The following RPTOR variants were observed in gnomAD, a reference collection of about 807,000 sequenced individuals.
The protein encoded by RPTOR is regulatory-associated protein of mTOR.
Under a neutral mutation model 169.9 loss-of-function variants are expected in RPTOR, and 21 were observed. That is an observed-to-expected ratio of 0.12 (90% CI 0.09 to 0.18). The LOEUF (loss-of-function observed/expected upper bound fraction) is 0.18. RPTOR is among the 10% of genes least tolerant of loss of function. The pLI is 1.00. For synonymous variants in RPTOR, 732 were observed against 753.2 expected (o/e 0.97, Z 0.46); for missense variants, 1,133 against 1,855.9 (o/e 0.61, Z 7.16).
chr17:80,918,514 CACCCTCGCGGGGGTCATAGCCAT>C (rs1219228182), intron 21 of RPTOR, among the ~76,000 whole-genome samples: 6 of 72,688 alleles, frequency 8.3e-5, no homozygotes, highest in Admixed American at 4.5e-4. Context: ...TAGCCATGAG[CACCCTCGCGGGGGTCATAGCCAT>C]GAGCACCCTC....
rs1373512283 is a variant in RPTOR at position 80,730,471 on chromosome 17, G to GT, written c.508-88dup. The GT allele has an allele frequency of 4.2e-6, 6 of 1,434,718 alleles. No homozygotes were observed. In the African/African-American group the frequency reaches 7.0e-5, roughly 17 times the overall value. 88.9% of individuals were successfully genotyped at this position (1,434,718 alleles called of 1,614,324 possible). A position where few individuals can be genotyped will look rare whatever the true frequency, so the allele number is the denominator to read the frequency against. On this transcript the variant is annotated intron_variant, in intron 4 of 33. Coordinates refer to ENST00000306801, the MANE Select transcript of RPTOR (RefSeq NM_020761.3). The surrounding 1 kb of genome is among the most constrained non-coding windows in gnomAD (Gnocchi z 4.2). ...CGTCTCTCCAGCCACCAGGCTCAAT[G>GT]TGTGTGCCTTTTGTAACGGTGCAGT...
chr17:80,795,624 C>A (rs563335306), intron 7 of RPTOR, among the ~76,000 whole-genome samples: 36 of 152,098 alleles, frequency 2.4e-4, no homozygotes, highest in African/African-American at 8.7e-4. Context: ...TTTCAAAACA[C>A]ACCCTGATTA....
intron 6 of RPTOR, among the ~76,000 whole-genome samples, chr17:80,755,348 C>G (rs2066669763): frequency 6.6e-6 from 1 of 152,150 alleles, no homozygotes; most frequent in Non-Finnish European, 1.5e-5. Flanking sequence ...CACCTGTAAT[C>G]CTAGCACTTT....
At chr17:80,717,872 G>A (rs2143143532) in intron 4 of RPTOR, among the ~76,000 whole-genome samples, 1 of 152,270 alleles carries the variant, frequency 6.6e-6, no homozygotes, top group Admixed American at 6.5e-5. Flanking sequence ...CTGTGTTTCA[G>A]GCAATTAGGA....
intron 1 of RPTOR, among the ~76,000 whole-genome samples, chr17:80,588,019 T>TAA (rs1568321613): frequency 6.6e-6 from 1 of 152,162 alleles, no homozygotes; most frequent in African/African-American, 2.4e-5. Flanking sequence ...TGACATCATG[T>TAA]GGTGTTTGTC....
Position 80,648,472 on chromosome 17 carries a change from GT to G in RPTOR, c.348+4663del, listed in dbSNP as rs140044013. ...GCTTGACCTGTCCACCTCACAGGGA[GT>G]GTCATGTGGCCATGTGTGACAAACT... On this transcript the variant is annotated intron_variant, in intron 3 of 33. Coordinates refer to ENST00000306801, the MANE Select transcript of RPTOR (RefSeq NM_020761.3). Among the ~76,000 whole-genome samples, 1,221 of 152,116 alleles carry G rather than the reference GT, an allele frequency of 8.0e-3. 7 individuals carry two copies. Among genetic ancestry groups the G allele is most frequent in the Middle Eastern group, 0.014 (4 of 294 alleles).
rs561902540 is a variant in RPTOR at position 80,635,726 on chromosome 17, G to T, written c.266-8002G>T. ...AAAGAGGAGGACCAGGGTGGTTCTGGATGAGTGCGTGGAGGAGCTTCTGGT... is the reference window on the plus strand; with the variant it reads ...AAAGAGGAGGACCAGGGTGGTTCTGTATGAGTGCGTGGAGGAGCTTCTGGT... On this transcript the variant is annotated intron_variant, in intron 2 of 33. Coordinates refer to ENST00000306801, the MANE Select transcript of RPTOR (RefSeq NM_020761.3). Among the ~76,000 whole-genome samples, 36 of 152,300 alleles carry T rather than the reference G, an allele frequency of 2.4e-4. No homozygotes were observed. The South Asian group carries it at 6.4e-3, about 27-fold the overall frequency.
chr17:80,574,688 C>A (rs2064944319), intron 1 of RPTOR, among the ~76,000 whole-genome samples: 2 of 151,992 alleles, frequency 1.3e-5, no homozygotes, highest in African/African-American at 4.8e-5. Flanking sequence ...CAAGATCTTG[C>A]TTTGTCACCC....
Position 80,660,202 on chromosome 17 carries a change from T to C in RPTOR, c.348+16392T>C, listed in dbSNP as rs557425504. Among the ~76,000 whole-genome samples the C allele has an allele frequency of 2.8e-5, 4 of 145,060 alleles. No homozygotes were observed. The East Asian group carries it at 8.2e-4, about 30-fold the overall frequency. ...AGGAGAATTGCTTGAACCCAGGAGA[T>C]GGAGGTTGCAGTGAGCCGAGATCGC... On this transcript the variant is annotated intron_variant, in intron 3 of 33. Coordinates refer to ENST00000306801, the MANE Select transcript of RPTOR (RefSeq NM_020761.3).
At chr17:80,691,987 C>T (rs1370534688) in intron 3 of RPTOR, among the ~76,000 whole-genome samples, 1 of 152,258 alleles carries the variant, frequency 6.6e-6, no homozygotes, top group Admixed American at 6.5e-5. Flanking sequence ...CTGGCAGTTT[C>T]AGAAAGCAAC....
intron 21 of RPTOR, 76 bp from the exon 22 acceptor site, chr17:80,922,648 C>T: frequency 8.2e-7 from 1 of 1,222,882 alleles, no homozygotes. Flanking sequence ...GGCTCCACGC[C>T]AGCCTCTGCT....
At chr17:80,722,711 CAG>C (rs1170050714) in intron 4 of RPTOR, among the ~76,000 whole-genome samples, 1 of 151,424 alleles carries the variant, frequency 6.6e-6, no homozygotes, top group Non-Finnish European at 1.5e-5. Flanking sequence ...AGAGGCAGCA[CAG>C]AGAGTTCCTG....
chr17:80,928,242 G>C (rs1186572425), intron 24 of RPTOR, among the ~76,000 whole-genome samples: 1 of 151,532 alleles, frequency 6.6e-6, no homozygotes, highest in East Asian at 1.9e-4. Context: ...GTTTTCTCTT[G>C]TTTAAAAAAA....
At position 80,659,051 on chromosome 17, in the gene RPTOR, A is replaced by G. The variant is rs2065700835; in HGVS notation, c.348+15241A>G. Among the ~76,000 whole-genome samples the G allele has an allele frequency of 1.3e-5, 2 of 152,176 alleles. No homozygotes were observed. The highest frequency in any genetic ancestry group is 4.8e-5 in the African/African-American group (2 of 41,438). ...TTGAGGGCATGACTAGACAGAGGCC[A>G]GTATTTGTGCCGAGAGCCACAGGGC... On this transcript the variant is annotated intron_variant, in intron 3 of 33. Transcript: ENST00000306801. This position sits in a 1 kb window ranked among gnomAD's most constrained non-coding sequence, Gnocchi z 4.3.
intron 26 of RPTOR, among the ~76,000 whole-genome samples, chr17:80,946,077 G>C (rs370548357): frequency 6.6e-6 from 1 of 152,148 alleles, no homozygotes; most frequent in African/African-American, 2.4e-5. Flanking sequence ...TAATAGAGGC[G>C]TACACAGGGG....
intron 10 of RPTOR, among the ~76,000 whole-genome samples, 171 bp downstream of exon 10, chr17:80,838,168 A>G (rs1280387879): frequency 6.6e-6 from 1 of 152,248 alleles, no homozygotes; most frequent in Non-Finnish European, 1.5e-5. Context: ...CGAGTCAACC[A>G]GGGTTTAAAG....
chr17:80,904,276 G>A (rs2068513702), intron 20 of RPTOR, among the ~76,000 whole-genome samples: 1 of 152,190 alleles, frequency 6.6e-6, no homozygotes, highest in Admixed American at 6.5e-5. Flanking sequence ...TGGGGCACTG[G>A]TTCCCCAGGA....
chr17:80,751,576 G>A (rs532580595), intron 5 of RPTOR, among the ~76,000 whole-genome samples: 9 of 152,288 alleles, frequency 5.9e-5, no homozygotes, highest in South Asian at 4.1e-4. Context: ...GCCGGGGAGC[G>A]CATCGCAGCC....
intron 1 of RPTOR, among the ~76,000 whole-genome samples, chr17:80,549,800 T>A (rs9894515): frequency 0.89 from 136,108 of 152,270 alleles, 61,729 homozygotes; most frequent in East Asian, 1. Context: ...TGACAGACAC[T>A]CTGTCTACAT....
Sources: allele counts gnomAD v4.1 joint callset (sites outside exome capture counted in the v4.1 genomes callset), GRCh38; gene constraint gnomAD v4.1.1; non-coding constraint Gnocchi (gnomAD v3.1); transcripts MANE v1.5; gene names NCBI Gene and HGNC (gene_info 2026-07-23, HGNC 2026-07-21).